The following MON2 variants were observed in gnomAD, a reference collection of about 807,000 sequenced individuals.
MON2 encodes protein MON2 homolog.
MON2 carries 84 observed loss-of-function variants against 208.6 expected under a neutral mutation model. The ratio of observed to expected loss-of-function variants is 0.40; its 90% CI spans 0.34 to 0.48. The LOEUF (loss-of-function observed/expected upper bound fraction) is 0.48. MON2 is among the 20% of genes least tolerant of loss of function. The pLI, the probability that MON2 is intolerant of heterozygous loss-of-function variation, is 0.59. For missense variants in MON2, 1,611 were observed against 2,015.4 expected (o/e 0.80, Z 3.84); for synonymous variants, 660 against 694.0 (o/e 0.95, Z 0.77).
chr12:62,597,419 C>G lies in MON2; in HGVS notation c.*4670C>G, dbSNP rs1413002968. 6.6e-6 allele frequency: 1 copy of G among 152,078 alleles called. No homozygotes were observed. The highest frequency in any genetic ancestry group is 1.5e-5 in the Non-Finnish European group (1 of 68,012). The allele number at this position is 152,078 out of a possible 1,614,324, so 9.4% of individuals were successfully genotyped here. A position where few individuals can be genotyped will look rare whatever the true frequency, so the allele number is the denominator to read the frequency against. On this transcript the variant is annotated 3_prime_UTR_variant, in exon 35 of 35. Transcript: ENST00000393630. ...GGTAGAACCACTGCTCATGGTTCTA[C>G]CACTACAAAGTGGAAAGTAGAAATA... is the stretch of plus-strand genomic sequence containing the variant.
intron 24 of MON2, among the ~76,000 whole-genome samples, chr12:62,555,140 A>G (rs905303365): frequency 6.6e-6 from 1 of 151,818 alleles, no homozygotes; most frequent in Non-Finnish European, 1.5e-5. Context: ...TTCTCCATTG[A>G]TGCCTCAACA....
At chr12:62,589,551 C>T (rs1156935354) in intron 34 of MON2, among the ~76,000 whole-genome samples, 1 of 151,932 alleles carries the variant, frequency 6.6e-6, no homozygotes, top group Non-Finnish European at 1.5e-5. Context: ...GATGGAATTT[C>T]TAAGAAAAAG....
At chr12:62,481,998 G>A (rs1393748357) in intron 1 of MON2, among the ~76,000 whole-genome samples, 1 of 152,172 alleles carries the variant, frequency 6.6e-6, no homozygotes, top group African/African-American at 2.4e-5. Flanking sequence ...ATGACTGGAT[G>A]CTGTTGATTG....
rs1202333875 is a variant in MON2 at position 62,540,204 on chromosome 12, G to A, written c.2364+1699G>A. On this transcript the variant is annotated intron_variant, in intron 19 of 34. Transcript: ENST00000393630. ...ACAGTAGGCTTACTGTGTACATGAC[G>A]ATCTGCTCAGAGACATTAAGAAATA... Among the ~76,000 whole-genome samples, 5 of 152,016 alleles carry A rather than the reference G, an allele frequency of 3.3e-5. No individual in the cohort carries two copies. In the East Asian group the frequency reaches 7.7e-4, roughly 23 times the overall value.
chr12:62,587,396 G>A (rs1208224945), intron 33 of MON2, among the ~76,000 whole-genome samples: 1 of 151,296 alleles, frequency 6.6e-6, no homozygotes, highest in African/African-American at 2.4e-5. Context: ...AAAAAAACTT[G>A]TAGAGAAGTT....
Position 62,544,938 on chromosome 12 carries a change from C to A in MON2, c.2507C>A (p.Ala836Glu), listed in dbSNP as rs1202745845. The change falls in exon 21 of 35, where the codon GCA becomes GAA. Residue 836 changes from alanine to glutamate, a missense_variant. Coordinates refer to ENST00000393630, the MANE Select transcript of MON2 (RefSeq NM_015026.3). ...AACTCTCGAATGAGAGAATGGGGAG[C>A]AGAAGCTTTAACTTCTCTTATTAAA... ...HPNSRMREWG[A>E]EALTSLIKAG... 1 of 1,609,294 alleles carries A rather than the reference C, an allele frequency of 6.2e-7. No homozygotes were observed. Among genetic ancestry groups the A allele is most frequent in the South Asian group, 1.1e-5 (1 of 89,892 alleles).
chr12:62,518,596 C>T (rs922747706), intron 8 of MON2, among the ~76,000 whole-genome samples: 3 of 152,134 alleles, frequency 2.0e-5, no homozygotes, highest in African/African-American at 7.2e-5. Context: ...ATAACATTCT[C>T]CATATTTTGA....
In MON2 at chr12:62,560,734, A is replaced by G; in HGVS notation, c.3653A>G (p.Lys1218Arg). ...PFVRTDSIGE[K>R]LGRYSSSEPP... ...GTAAGAACAGATTCCATTGGAGAAA[A>G]ACTAGGAAGATATAGTAGCTCTGAG... Residue 1218 changes from lysine (K) to arginine (R), a missense_variant, in exon 26 of 35, where the codon AAA becomes AGA. By Grantham distance (26) the Lys-to-Arg change is conservative. Transcript: ENST00000393630. 11 of 1,614,148 alleles carry G rather than the reference A, an allele frequency of 6.8e-6. No individual in the cohort carries two copies. The highest frequency in any genetic ancestry group is 9.3e-6 in the Non-Finnish European group (11 of 1,180,014).
At chr12:62,539,118 C>T (rs965255380) in intron 19 of MON2, among the ~76,000 whole-genome samples, 1 of 151,992 alleles carries the variant, frequency 6.6e-6, no homozygotes. Context: ...AATAATTAAA[C>T]AAAATACTTT....
chr12:62,545,306 T>C (rs1191801471), intron 21 of MON2, among the ~76,000 whole-genome samples: 1 of 151,998 alleles, frequency 6.6e-6, no homozygotes, highest in African/African-American at 2.4e-5. Flanking sequence ...TGGAGCCTCT[T>C]TTGCTTTGGT....
chr12:62,531,124 T>G (rs1354186579), intron 11 of MON2, among the ~76,000 whole-genome samples: 1 of 152,228 alleles, frequency 6.6e-6, no homozygotes, highest in Non-Finnish European at 1.5e-5. Context: ...GATGCCTGTC[T>G]CTTATCAGAT....
chr12:62,484,896 T>G (rs2069668731), intron 2 of MON2: 1 of 148,388 alleles, frequency 6.7e-6, no homozygotes, highest in South Asian at 2.1e-4. Flanking sequence ...ATAATGAACA[T>G]GGAAAAGAGG....
chr12:62,490,512 A>T (rs1391593515), intron 2 of MON2, among the ~76,000 whole-genome samples: 1 of 152,086 alleles, frequency 6.6e-6, no homozygotes, highest in East Asian at 1.9e-4. Context: ...TGGAGAGTGG[A>T]TATCTCTCAG....
At chr12:62,548,096 A>T (rs1349231987) in intron 22 of MON2, among the ~76,000 whole-genome samples, 3 of 152,202 alleles carry the variant, frequency 2.0e-5, no homozygotes, top group African/African-American at 7.2e-5. Flanking sequence ...TTTATCCAAA[A>T]TTCATGTGGG....
intron 32 of MON2, 26 bp downstream of exon 32, chr12:62,580,446 A>G (rs771741743): frequency 6.4e-7 from 1 of 1,556,924 alleles, no homozygotes; most frequent in East Asian, 2.3e-5. Context: ...TAAGTATTAA[A>G]AAGTATTGAA....
In MON2 at chr12:62,565,304, T is replaced by C. The variant is rs752214037; in HGVS notation, c.4100T>C (p.Phe1367Ser). 146 of 1,612,996 alleles carry C rather than the reference T, an allele frequency of 9.1e-5. No individual in the cohort carries two copies. Among genetic ancestry groups the C allele is most frequent in the Non-Finnish European group, 1.2e-4 (142 of 1,179,308 alleles). ...YPAIFDQLLAFVEFSCKPPQY... is the reference protein window; with the variant it reads ...YPAIFDQLLASVEFSCKPPQY... ...GCTATATTTGACCAGTTGTTGGCAT[T>C]TGTAGAATTTTCCTGTAAACCTCCA... Residue 1367 changes from phenylalanine to serine, a missense_variant, in exon 27 of 35, where the codon TTT becomes TCT. Physicochemically the swap from Phe to Ser is radical, Grantham distance 155. Coordinates refer to ENST00000393630, the MANE Select transcript of MON2 (RefSeq NM_015026.3).
At chr12:62,548,307 A>G (rs762924834) in intron 22 of MON2, among the ~76,000 whole-genome samples, 55 of 152,210 alleles carry the variant, frequency 3.6e-4, no homozygotes, top group Non-Finnish European at 7.9e-4. Flanking sequence ...AGTGACTTCT[A>G]GATTTCTGAC....
intron 2 of MON2, chr12:62,490,061 A>C: frequency 2.6e-6 from 3 of 1,144,920 alleles, no homozygotes; most frequent in Non-Finnish European, 3.5e-6. Flanking sequence ...TATGCAGTGA[A>C]ACTGCTCAGA....
chr12:62,543,902 C>T (rs1565667490), intron 20 of MON2, among the ~76,000 whole-genome samples: 1 of 152,140 alleles, frequency 6.6e-6, no homozygotes, highest in Non-Finnish European at 1.5e-5. Flanking sequence ...AGCAACTGCT[C>T]CTGGCCTTGA....
Sources: gnomAD v4.1 joint callset for allele counts (sites outside exome capture counted in the v4.1 genomes callset) on GRCh38, gnomAD v4.1.1 for gene constraint, MANE v1.5 for transcripts, NCBI Gene and HGNC (gene_info 2026-07-23, HGNC 2026-07-21) for gene names.